Variants in HES1 observed in about 807,000 individuals in gnomAD.
HES1 encodes the protein hes family bHLH transcription factor 1, also known as transcription factor HES-1.
A neutral mutation model predicts 21.0 loss-of-function variants in HES1; 7 were observed. The observed-to-expected ratio is 0.33, with a 90% CI of 0.19 to 0.63. The LOEUF is 0.63. Among genes scored for constraint, HES1 ranks in the 20% least tolerant of loss-of-function variants. The pLI, the probability that HES1 is intolerant of heterozygous loss-of-function variation, is 0.78. For missense variants in HES1, 338 were observed against 389.8 expected (o/e 0.87, Z 1.12); for synonymous variants, 169 against 171.2 (o/e 0.99, Z 0.10).
Position 194,136,178 on chromosome 3 carries a change from G to A in HES1, c.-203G>A. 3.8e-6 allele frequency: 2 copies of A among 531,444 alleles called. No individual in the cohort carries two copies. The highest frequency in any genetic ancestry group is 5.1e-5 in the South Asian group (2 of 39,412). The allele number at this position is 531,444 out of a possible 1,614,324, so 32.9% of individuals were successfully genotyped here. A position where few individuals can be genotyped will look rare whatever the true frequency, so the allele number is the denominator to read the frequency against. On this transcript the variant is annotated 5_prime_UTR_variant, in exon 1 of 4. Transcript: ENST00000232424. ...GGATCCGGAGCTGGTGCTGATAACAGCGGAATCCCCCGTCTACCTCTCTCC... is the reference window on the plus strand; with the variant it reads ...GGATCCGGAGCTGGTGCTGATAACAACGGAATCCCCCGTCTACCTCTCTCC...
At chr3:194,136,556 G>C in intron 1 of HES1, 61 bp from the exon 2 acceptor site, 1 of 1,566,774 alleles carries the variant, frequency 6.4e-7, no homozygotes, top group Non-Finnish European at 8.7e-7. Context: ...GCTTCTTTCT[G>C]TCTTGAAACC....
At position 194,138,149 on chromosome 3, in the gene HES1, C is replaced by G; in HGVS notation, c.759C>G (p.Gly253=). 1 of 1,612,614 alleles carries G rather than the reference C, an allele frequency of 6.2e-7. No individual in the cohort carries two copies. The change falls in exon 4 of 4, where the codon GGC becomes GGG. Residue 253 remains glycine, a synonymous_variant. Coordinates refer to ENST00000232424, the MANE Select transcript of HES1 (RefSeq NM_005524.4). ...PVIPVYTSNS[G]TSVGPNAVSP... The stretch of plus-strand genomic sequence containing the variant: ...TCCCCGTCTACACCAGCAACAGCGG[C>G]ACCTCCGTGGGCCCCAACGCAGTGT...
rs1715333450 is a variant in HES1, at chr3:194,136,302, G to C, written c.-79G>C. ...TTTTGTGAAAGTCTCAAGTAAAAGA[G>C]ACACAAACAAAAAATTCTTTTTCGT... is the stretch of plus-strand genomic sequence containing the variant. On this transcript the variant is annotated 5_prime_UTR_variant, in exon 1 of 4. Transcript: ENST00000232424. 2 of 830,294 alleles carry C rather than the reference G, an allele frequency of 2.4e-6. No individual in the cohort carries two copies. Among genetic ancestry groups the C allele is most frequent in the Non-Finnish European group, 3.8e-6 (2 of 532,668 alleles). The allele number at this position is 830,294 out of a possible 1,614,324, so 51.4% of individuals were successfully genotyped here. A position where few individuals can be genotyped will look rare whatever the true frequency, so the allele number is the denominator to read the frequency against.
Position 194,137,454 on chromosome 3 carries a change from A to G in HES1, c.293-229A>G, listed in dbSNP as rs961802311. On this transcript the variant is annotated intron_variant, in intron 3 of 3. Transcript: ENST00000232424. The surrounding 1 kb of genome is among the most constrained non-coding windows in gnomAD (Gnocchi z 5.4). ...GGGGTGACAGATCTGGGGCTGAGAT[A>G]GGTTTAAATGCAGCTACAGGGAATC... 4.6e-5 allele frequency among the ~76,000 whole-genome samples: 7 copies of G among 152,178 alleles called. No homozygotes were observed. Among genetic ancestry groups the G allele is most frequent in the African/African-American group, 1.7e-4 (7 of 41,448 alleles).
chr3:194,137,375 G>C lies in HES1; in HGVS notation c.293-308G>C. Reference sequence around the variant, plus strand: ...TTCCCGTTGCAGAAGGGGAAATGAGGCTTGGATGATGGATTGGGAGGCATT... The same window carrying C: ...TTCCCGTTGCAGAAGGGGAAATGAGCCTTGGATGATGGATTGGGAGGCATT... On this transcript the variant is annotated intron_variant, in intron 3 of 3. Transcript: ENST00000232424. The surrounding 1 kb of genome is among the most constrained non-coding windows in gnomAD (Gnocchi z 5.4). The C allele has an allele frequency of 5.2e-6, 3 of 572,604 alleles. No homozygotes were observed. The highest frequency in any genetic ancestry group is 9.3e-6 in the Non-Finnish European group (3 of 321,128). 35.5% of individuals were successfully genotyped at this position (572,604 alleles called of 1,614,324 possible).
chr3:194,136,453 C>G lies in HES1; in HGVS notation c.73C>G (p.Pro25Ala), dbSNP rs1715340153. The part of the protein sequence containing the change: ...AATPASVNTT[P>A]DKPKTASEHR... ...TACCCCAGCCAGTGTCAACACGACA[C>G]CGGATAAACCAAAGACAGCATCTGA... Residue 25 changes from proline (P) to alanine (A), a missense_variant, in exon 1 of 4, where the codon CCG becomes GCG. By Grantham distance (27) the Pro-to-Ala change is conservative. Transcript: ENST00000232424. The G allele has an allele frequency of 1.9e-6, 3 of 1,612,444 alleles. No individual in the cohort carries two copies. The highest frequency in any genetic ancestry group is 2.5e-6 in the Non-Finnish European group (3 of 1,179,588).
In HES1 at chr3:194,138,024, G is replaced by T. The variant is rs1228514071; in HGVS notation, c.634G>T (p.Ala212Ser). The T allele has an allele frequency of 6.4e-7, 1 of 1,553,962 alleles. No individual in the cohort carries two copies. Among genetic ancestry groups the T allele is most frequent in the East Asian group, 2.6e-5 (1 of 39,178 alleles). Residue 212 changes from alanine to serine, a missense_variant, in exon 4 of 4, where the codon GCG becomes TCG. Physicochemically the swap from Ala to Ser is moderately conservative, Grantham distance 99. Transcript: ENST00000232424. ...PCKLGSQAGE[A>S]AKVFGGFQVV... is the part of the protein sequence containing the mutation. ...CAAGCTGGGCAGCCAGGCTGGAGAGGCGGCTAAGGTGTTTGGAGGCTTCCA... is the reference window on the plus strand; with the variant it reads ...CAAGCTGGGCAGCCAGGCTGGAGAGTCGGCTAAGGTGTTTGGAGGCTTCCA...
rs1401370779 is a variant in HES1, at chr3:194,136,463, CAA to C, written c.85_86del (p.Lys29AspfsTer4). 1 of 1,610,446 alleles carries C rather than the reference CAA, an allele frequency of 6.2e-7. No individual in the cohort carries two copies. The highest frequency in any genetic ancestry group is 1.7e-5 in the Admixed American group (1 of 59,112). Reference sequence around the variant, plus strand: ...AGTGTCAACACGACACCGGATAAACCAAAGACAGCATCTGAGCACAGAAAGGT... The same window carrying C: ...AGTGTCAACACGACACCGGATAAACCAGACAGCATCTGAGCACAGAAAGGT... On this transcript the variant is annotated frameshift_variant, in exon 1 of 4. Coordinates refer to ENST00000232424, the MANE Select transcript of HES1 (RefSeq NM_005524.4). LOFTEE classifies it high-confidence loss of function.
In HES1 at chr3:194,138,032, G is replaced by A. The variant is rs1576926673; in HGVS notation, c.642G>A (p.Lys214=). Residue 214 remains lysine, a synonymous_variant, in exon 4 of 4, where the codon AAG becomes AAA. Transcript: ENST00000232424. ...KLGSQAGEAA[K]VFGGFQVVPA... ...GCAGCCAGGCTGGAGAGGCGGCTAA[G>A]GTGTTTGGAGGCTTCCAGGTGGTAC... is the stretch of plus-strand genomic sequence containing the variant. 3 of 1,584,964 alleles carry A rather than the reference G, an allele frequency of 1.9e-6. No homozygotes were observed. The highest frequency in any genetic ancestry group is 2.6e-6 in the Non-Finnish European group (3 of 1,167,000).
In HES1 at chr3:194,137,139, A is replaced by T. The variant is rs1715363707; in HGVS notation, c.292+91A>T. 2.8e-6 allele frequency: 3 copies of T among 1,066,228 alleles called. No individual in the cohort carries two copies. In the Admixed American group the frequency reaches 5.3e-5, roughly 19 times the overall value. 66.0% of individuals were successfully genotyped at this position (1,066,228 alleles called of 1,614,324 possible). A position where few individuals can be genotyped will look rare whatever the true frequency, so the allele number is the denominator to read the frequency against. On this transcript the variant is annotated intron_variant, in intron 3 of 3. Transcript: ENST00000232424. The surrounding 1 kb of genome is among the most constrained non-coding windows in gnomAD (Gnocchi z 5.4). ...ACTTCCGCCCGTGGTTGTGAGAGGC[A>T]TTCAGCTACATTTTACTGCCTTGGC...
chr3:194,137,845 C>A lies in HES1; in HGVS notation c.455C>A (p.Ala152Asp). 6.3e-7 allele frequency: 1 copy of A among 1,591,490 alleles called. No homozygotes were observed. Among genetic ancestry groups the A allele is most frequent in the Non-Finnish European group, 8.6e-7 (1 of 1,169,320 alleles). ...HLANCMTQINAMTYPGQPHPA... is the reference protein window; with the variant it reads ...HLANCMTQINDMTYPGQPHPA... ...GCCAACTGCATGACCCAGATCAATG[C>A]CATGACCTACCCCGGGCAGCCGCAC... Residue 152 changes from alanine (A) to aspartate (D), a missense_variant, in exon 4 of 4, where the codon GCC becomes GAC. Physicochemically the swap from Ala to Asp is moderately radical, Grantham distance 126. Coordinates refer to ENST00000232424, the MANE Select transcript of HES1 (RefSeq NM_005524.4). The surrounding 1 kb of genome is among the most constrained non-coding windows in gnomAD (Gnocchi z 5.4).
At position 194,137,962 on chromosome 3, in the gene HES1, C is replaced by A; in HGVS notation, c.572C>A (p.Pro191His). 1 of 1,363,826 alleles carries A rather than the reference C, an allele frequency of 7.3e-7. No homozygotes were observed. Among genetic ancestry groups the A allele is most frequent in the Non-Finnish European group, 9.5e-7 (1 of 1,054,314 alleles). 84.5% of individuals were successfully genotyped at this position (1,363,826 alleles called of 1,614,324 possible). A position where few individuals can be genotyped will look rare whatever the true frequency, so the allele number is the denominator to read the frequency against. ...FAPPPPLVPI[P>H]GGAAPPPGGA... is the part of the protein sequence containing the mutation. Reference sequence around the variant, plus strand: ...CCGCCGCCGCCACTCGTGCCCATCCCCGGGGGCGCGGCGCCCCCTCCCGGC... The same window carrying A: ...CCGCCGCCGCCACTCGTGCCCATCCACGGGGGCGCGGCGCCCCCTCCCGGC... Residue 191 changes from proline (P) to histidine (H), a missense_variant, in exon 4 of 4, where the codon CCC (proline) becomes CAC (histidine). Physicochemically the swap from Pro to His is moderately conservative, Grantham distance 77 (BLOSUM62 -2). Transcript: ENST00000232424. This position sits in a 1 kb window ranked among gnomAD's most constrained non-coding sequence, Gnocchi z 5.4.
At position 194,136,277 on chromosome 3, in the gene HES1, T is replaced by A; in HGVS notation, c.-104T>A. 1 of 699,278 alleles carries A rather than the reference T, an allele frequency of 1.4e-6. No individual in the cohort carries two copies. 43.3% of individuals were successfully genotyped at this position (699,278 alleles called of 1,614,324 possible). On this transcript the variant is annotated 5_prime_UTR_variant, in exon 1 of 4. Coordinates refer to ENST00000232424, the MANE Select transcript of HES1 (RefSeq NM_005524.4). The stretch of plus-strand genomic sequence containing the variant: ...TAAACCCTCAGCACTTGCTCAGTAG[T>A]TTTGTGAAAGTCTCAAGTAAAAGAG...
Position 194,138,022 on chromosome 3 carries a change from A to G in HES1, c.632A>G (p.Glu211Gly). 6.5e-7 allele frequency: 1 copy of G among 1,547,078 alleles called. No individual in the cohort carries two copies. The highest frequency in any genetic ancestry group is 8.7e-7 in the Non-Finnish European group (1 of 1,146,278). The change falls in exon 4 of 4, where the codon GAG (glutamate) becomes GGG (glycine). Residue 211 changes from glutamate (E) to glycine (G), a missense_variant. Coordinates refer to ENST00000232424, the MANE Select transcript of HES1 (RefSeq NM_005524.4). ...TGCAAGCTGGGCAGCCAGGCTGGAGAGGCGGCTAAGGTGTTTGGAGGCTTC... is the reference window on the plus strand; with the variant it reads ...TGCAAGCTGGGCAGCCAGGCTGGAGGGGCGGCTAAGGTGTTTGGAGGCTTC... ...APCKLGSQAG[E>G]AAKVFGGFQV...
chr3:194,136,300 G>A lies in HES1; in HGVS notation c.-81G>A. ...AGTTTTGTGAAAGTCTCAAGTAAAA[G>A]AGACACAAACAAAAAATTCTTTTTC... is the stretch of plus-strand genomic sequence containing the variant. On this transcript the variant is annotated 5_prime_UTR_variant, in exon 1 of 4. Coordinates refer to ENST00000232424, the MANE Select transcript of HES1 (RefSeq NM_005524.4). 1 of 813,418 alleles carries A rather than the reference G, an allele frequency of 1.2e-6. No individual in the cohort carries two copies. The highest frequency in any genetic ancestry group is 1.9e-6 in the Non-Finnish European group (1 of 516,996). 50.4% of individuals were successfully genotyped at this position (813,418 alleles called of 1,614,324 possible). A position where few individuals can be genotyped will look rare whatever the true frequency, so the allele number is the denominator to read the frequency against.
In HES1 at chr3:194,137,573, T is replaced by G; in HGVS notation, c.293-110T>G. 8.3e-7 allele frequency: 1 copy of G among 1,207,662 alleles called. No homozygotes were observed. Among genetic ancestry groups the G allele is most frequent in the Non-Finnish European group, 1.1e-6 (1 of 894,290 alleles). The allele number at this position is 1,207,662 out of a possible 1,614,324, so 74.8% of individuals were successfully genotyped here. ...TCTCACCCTCCCTGCCGGAGGCAGT[T>G]TCACGGGCGCATGGTCAGGGAGGCG... On this transcript the variant is annotated intron_variant, in intron 3 of 3. Transcript: ENST00000232424. This position sits in a 1 kb window ranked among gnomAD's most constrained non-coding sequence, Gnocchi z 5.4.
At position 194,137,960 on chromosome 3, in the gene HES1, C is replaced by A. The variant is rs939139862; in HGVS notation, c.570C>A (p.Ile190=). The A allele has an allele frequency of 7.4e-7, 1 of 1,359,094 alleles. No individual in the cohort carries two copies. 84.2% of individuals were successfully genotyped at this position (1,359,094 alleles called of 1,614,324 possible). ...CGCCGCCGCCGCCACTCGTGCCCAT[C>A]CCCGGGGGCGCGGCGCCCCCTCCCG... ...PFAPPPPLVP[I]PGGAAPPPGG... The change falls in exon 4 of 4, where the codon ATC becomes ATA. Residue 190 remains isoleucine, a synonymous_variant. Transcript: ENST00000232424. The surrounding 1 kb of genome is among the most constrained non-coding windows in gnomAD (Gnocchi z 5.4).
chr3:194,136,829 G>A (rs543141854), intron 2 of HES1, 117 bp downstream of exon 2: 1 of 1,371,518 alleles, frequency 7.3e-7, no homozygotes, highest in South Asian at 1.2e-5. Context: ...CGTTCTCCCA[G>A]GCGGGAGGGC....
chr3:194,137,058 G>A lies in HES1; in HGVS notation c.292+10G>A. 6.2e-7 allele frequency: 1 copy of A among 1,610,574 alleles called. No homozygotes were observed. The highest frequency in any genetic ancestry group is 8.5e-7 in the Non-Finnish European group (1 of 1,177,028). ...CGGGCGCAGATGACGGGTGAGGGCG[G>A]CTCGCCGCGTCCCCCTGTGCGGGCG... On this transcript the variant is annotated intron_variant, in intron 3 of 3. Transcript: ENST00000232424. This position sits in a 1 kb window ranked among gnomAD's most constrained non-coding sequence, Gnocchi z 5.4.
Sources: allele counts gnomAD v4.1 joint callset (sites outside exome capture counted in the v4.1 genomes callset), GRCh38; gene constraint gnomAD v4.1.1; non-coding constraint Gnocchi (gnomAD v3.1); transcripts MANE v1.5; gene names NCBI Gene and HGNC (gene_info 2026-07-23, HGNC 2026-07-21).